CHRM3: variants seen among roughly 807,000 people sequenced by gnomAD.
CHRM3 encodes the protein muscarinic acetylcholine receptor M3.
CHRM3 carries 11 observed loss-of-function variants against 41.8 expected under a neutral mutation model. The observed-to-expected ratio is 0.26, with a 90% CI of 0.17 to 0.44. The LOEUF is 0.44. CHRM3 is among the 20% of genes least tolerant of loss of function. CHRM3 has a pLI of 1.00. For missense variants in CHRM3, 571 were observed against 745.4 expected (o/e 0.77, Z 2.72); for synonymous variants, 297 against 301.4 (o/e 0.99, Z 0.15).
intron 1 of CHRM3, among the ~76,000 whole-genome samples, chr1:239,458,690 C>A (rs1045497737): frequency 2.6e-5 from 4 of 152,088 alleles, no homozygotes; most frequent in Admixed American, 6.5e-5. Context: ...TTTGAAGGAA[C>A]CTTCAAACTT....
At chr1:239,605,706 G>T (rs1027033940) in intron 3 of CHRM3, among the ~76,000 whole-genome samples, 1 of 152,010 alleles carries the variant, frequency 6.6e-6, no homozygotes, top group Admixed American at 6.5e-5. Context: ...TTGGAATTTT[G>T]AGCAAAAATC....
chr1:239,464,393 T>C (rs991784022), intron 1 of CHRM3, among the ~76,000 whole-genome samples: 1 of 152,188 alleles, frequency 6.6e-6, no homozygotes, highest in African/African-American at 2.4e-5. Flanking sequence ...TCTCTGTTTC[T>C]GTCTGGCTTT....
chr1:239,839,479 C>T lies in CHRM3; in HGVS notation c.-20+12101C>T, dbSNP rs532703500. 2.2e-4 allele frequency among the ~76,000 whole-genome samples: 34 copies of T among 152,236 alleles called. No individual in the cohort carries two copies. In the South Asian group the frequency reaches 2.9e-3, roughly 13 times the overall value. On this transcript the variant is annotated intron_variant, in intron 6 of 6. Coordinates refer to ENST00000676153, the MANE Select transcript of CHRM3 (RefSeq NM_001375978.1). The stretch of plus-strand genomic sequence containing the variant: ...GGGATATAGGTAGGAATAGTAACTT[C>T]GAGTCATACAGTACCAGGCAAGAGA...
At chr1:239,843,942 A>G (rs1237857620) in intron 6 of CHRM3, among the ~76,000 whole-genome samples, 1 of 152,164 alleles carries the variant, frequency 6.6e-6, no homozygotes, top group Non-Finnish European at 1.5e-5. Flanking sequence ...GTGTCTATAT[A>G]TAGACACACA....
chr1:239,888,597 CAAAA>C (rs34779972), intron 6 of CHRM3, among the ~76,000 whole-genome samples: 5 of 99,364 alleles, frequency 5.0e-5, no homozygotes, highest in Admixed American at 1.0e-4. Context: ...GACCCTGTCT[CAAAA>C]AAAAAAAAAA....
At chr1:239,571,692 C>T (rs191462452) in intron 3 of CHRM3, among the ~76,000 whole-genome samples, 10 of 152,234 alleles carry the variant, frequency 6.6e-5, no homozygotes, top group East Asian at 1.9e-4. Flanking sequence ...GTCTCCTGCA[C>T]GTCATTACAC....
intron 6 of CHRM3, among the ~76,000 whole-genome samples, chr1:239,872,487 A>G (rs947788515): frequency 6.6e-6 from 1 of 152,106 alleles, no homozygotes; most frequent in Admixed American, 6.5e-5. Context: ...CTTGTGTGGG[A>G]CGGCCCCAAC....
intron 5 of CHRM3, among the ~76,000 whole-genome samples, chr1:239,751,530 T>A (rs1428782449): frequency 1.3e-5 from 2 of 152,214 alleles, no homozygotes; most frequent in Non-Finnish European, 2.9e-5. Context: ...ATTGGGCACC[T>A]AAATAAAATT....
At chr1:239,701,668 C>T (rs1660699843) in intron 5 of CHRM3, among the ~76,000 whole-genome samples, 2 of 152,152 alleles carry the variant, frequency 1.3e-5, no homozygotes, top group Non-Finnish European at 2.9e-5. Flanking sequence ...GTCTCTTCTG[C>T]TCCTGATCTT....
intron 4 of CHRM3, among the ~76,000 whole-genome samples, chr1:239,643,268 A>G (rs1012885933): frequency 4.6e-5 from 7 of 152,206 alleles, no homozygotes; most frequent in African/African-American, 1.2e-4. Flanking sequence ...CTCCAGCTGC[A>G]TGCTGGGAGA....
chr1:239,681,821 C>G (rs1658595502), intron 5 of CHRM3, among the ~76,000 whole-genome samples: 1 of 152,022 alleles, frequency 6.6e-6, no homozygotes, highest in African/African-American at 2.4e-5. Context: ...ATGGCTGGAG[C>G]CCAGGAGTTT....
intron 6 of CHRM3, among the ~76,000 whole-genome samples, chr1:239,827,717 CAGAT>C (rs1460714498): frequency 6.6e-6 from 1 of 152,050 alleles, no homozygotes; most frequent in African/African-American, 2.4e-5. Flanking sequence ...TTACTATGCA[CAGAT>C]AATTTAAAAA....
At chr1:239,722,469 A>C (rs542294282) in intron 5 of CHRM3, among the ~76,000 whole-genome samples, 1 of 152,070 alleles carries the variant, frequency 6.6e-6, no homozygotes, top group Non-Finnish European at 1.5e-5. Context: ...GGACACAAAT[A>C]ACAAAATCTT....
intron 5 of CHRM3, among the ~76,000 whole-genome samples, chr1:239,686,202 C>G (rs940102586): frequency 1.5e-4 from 23 of 152,174 alleles, no homozygotes; most frequent in Non-Finnish European, 1.2e-4. Context: ...CTGTTACTCA[C>G]TACCTTAAAA....
chr1:239,773,328 T>C (rs1041527727), intron 5 of CHRM3, among the ~76,000 whole-genome samples: 1 of 152,206 alleles, frequency 6.6e-6, no homozygotes, highest in Non-Finnish European at 1.5e-5. Flanking sequence ...GCTATATTTA[T>C]CAGCTGCAAT....
chr1:239,458,568 A>G (rs1665130443), intron 1 of CHRM3, among the ~76,000 whole-genome samples: 1 of 152,244 alleles, frequency 6.6e-6, no homozygotes, highest in Non-Finnish European at 1.5e-5. Context: ...GAATGAAGAT[A>G]TATAAAGTAA....
intron 1 of CHRM3, among the ~76,000 whole-genome samples, chr1:239,445,893 C>G (rs1174239697): frequency 6.6e-6 from 1 of 151,624 alleles, no homozygotes; most frequent in African/African-American, 2.4e-5. Context: ...AGGGTACTGA[C>G]CCATTTAAGA....
chr1:239,674,993 T>A (rs1657845806), intron 4 of CHRM3, among the ~76,000 whole-genome samples: 1 of 152,104 alleles, frequency 6.6e-6, no homozygotes, highest in African/African-American at 2.4e-5. Context: ...ACTCCTGACT[T>A]CTTCTTGCAT....
chr1:239,759,916 A>G (rs1666587399), intron 5 of CHRM3, among the ~76,000 whole-genome samples: 1 of 151,560 alleles, frequency 6.6e-6, no homozygotes, highest in African/African-American at 2.4e-5. Flanking sequence ...TGTTATTTTT[A>G]TTTATTTATT....
Sources: allele counts gnomAD v4.1 joint callset (sites outside exome capture counted in the v4.1 genomes callset), GRCh38; gene constraint gnomAD v4.1.1; transcripts MANE v1.5; gene names NCBI Gene and HGNC (gene_info 2026-07-23, HGNC 2026-07-21).